Variants in AMBRA1 observed in about 807,000 individuals in gnomAD.
AMBRA1 encodes activating molecule in BECN1-regulated autophagy protein 1.
In AMBRA1, 47 loss-of-function variants were observed where a neutral mutation model predicts 125.4. That is an observed-to-expected ratio of 0.37 (90% CI 0.30 to 0.48). AMBRA1 has a LOEUF of 0.48. Ranked by LOEUF, AMBRA1 falls within the 20% of genes least tolerant of loss-of-function variation. The pLI is 0.99. For synonymous variants in AMBRA1, 626 were observed against 655.5 expected (o/e 0.95, Z 0.69); for missense variants, 1,331 against 1,693.4 (o/e 0.79, Z 3.76).
At chr11:46,434,149 CT>C (rs1947598185) in intron 13 of AMBRA1, among the ~76,000 whole-genome samples, 2 of 143,122 alleles carry the variant, frequency 1.4e-5, no homozygotes, top group African/African-American at 5.2e-5. Context: ...AAAGAAAGTA[CT>C]TAATAAATGC....
At chr11:46,584,569 G>C (rs1450659682) in intron 1 of AMBRA1, among the ~76,000 whole-genome samples, 3 of 151,502 alleles carry the variant, frequency 2.0e-5, no homozygotes, top group Admixed American at 2.0e-4. Context: ...ATGAATGACT[G>C]AAAAATACAC....
intron 8 of AMBRA1, among the ~76,000 whole-genome samples, chr11:46,510,248 A>G (rs61882715): frequency 0.021 from 3,186 of 152,336 alleles, 48 homozygotes; most frequent in Non-Finnish European, 0.032. Flanking sequence ...GCTAGTTCCT[A>G]AAAGCCTCAA....
At chr11:46,564,796 C>T (rs187092808) in intron 1 of AMBRA1, among the ~76,000 whole-genome samples, 2 of 152,306 alleles carry the variant, frequency 1.3e-5, no homozygotes, top group African/African-American at 2.4e-5. Context: ...CTATTATTTG[C>T]CTCCTAGTGG....
At chr11:46,547,901 T>C in intron 2 of AMBRA1, 26 bp from the exon 3 acceptor site, 1 of 1,430,424 alleles carries the variant, frequency 7.0e-7, no homozygotes, top group Non-Finnish European at 9.7e-7. Flanking sequence ...AAAAAAAAAG[T>C]TAAAATACAT....
intron 17 of AMBRA1, among the ~76,000 whole-genome samples, chr11:46,405,214 C>T (rs1945950467): frequency 6.6e-6 from 1 of 152,214 alleles, no homozygotes; most frequent in Admixed American, 6.5e-5. Flanking sequence ...CCACCTCCTC[C>T]AGGAGTCTCC....
chr11:46,454,473 C>T (rs1035605804), intron 11 of AMBRA1, among the ~76,000 whole-genome samples: 16 of 150,896 alleles, frequency 1.1e-4, no homozygotes, highest in African/African-American at 3.6e-4. Context: ...CGGTGGCTCA[C>T]GCCTGTAATC....
At chr11:46,457,033 T>C (rs544868545) in intron 11 of AMBRA1, among the ~76,000 whole-genome samples, 1 of 152,368 alleles carries the variant, frequency 6.6e-6, no homozygotes, top group East Asian at 1.9e-4. Flanking sequence ...TCTATGAGCC[T>C]ACATTCACAT....
At chr11:46,410,700 G>A (rs1190217272) in intron 15 of AMBRA1, among the ~76,000 whole-genome samples, 1 of 152,210 alleles carries the variant, frequency 6.6e-6, no homozygotes, top group Non-Finnish European at 1.5e-5. Flanking sequence ...GTATTCTTCA[G>A]ACACAGAGAA....
intron 6 of AMBRA1, 130 bp downstream of exon 6, chr11:46,543,845 G>A: frequency 1.3e-6 from 1 of 794,240 alleles, no homozygotes; most frequent in African/African-American, 1.7e-5. Flanking sequence ...TCTGAAGCTA[G>A]CTTTAAATCT....
intron 11 of AMBRA1, among the ~76,000 whole-genome samples, chr11:46,466,241 G>A (rs1178136086): frequency 6.6e-6 from 1 of 152,166 alleles, no homozygotes; most frequent in Non-Finnish European, 1.5e-5. Context: ...CAGCTACTTG[G>A]GAGGCTAAGG....
At chr11:46,441,515 GA>G (rs927450397) in intron 12 of AMBRA1, among the ~76,000 whole-genome samples, 2 of 149,796 alleles carry the variant, frequency 1.3e-5, no homozygotes, top group Non-Finnish European at 3.0e-5. Context: ...CTCTGTTTCA[GA>G]AAAAAAAAGA....
rs760842701 is a variant in AMBRA1, at chr11:46,542,550, T to C, written c.1467A>G (p.Gln489=). 1 of 1,613,260 alleles carries C rather than the reference T, an allele frequency of 6.2e-7. No homozygotes were observed. Among genetic ancestry groups the C allele is most frequent in the South Asian group, 1.1e-5 (1 of 91,082 alleles). Residue 489 remains glutamine, a synonymous_variant, in exon 7 of 18, where the codon CAA becomes CAG. Transcript: ENST00000683756. The surrounding 1 kb of genome is among the most constrained non-coding windows in gnomAD (Gnocchi z 5.9). ...TESDGGNGSS[Q]NNSGSIRHEL... The stretch of plus-strand genomic sequence containing the variant: ...CATGGCGAATGCTGCCCGAGTTGTT[T>C]TGGCTGGAGCCATTCCCTCCATCTG...
At position 46,548,302 on chromosome 11, in the gene AMBRA1, G is replaced by A. The variant is rs377257005; in HGVS notation, c.79C>T (p.Arg27Trp). ...TCTTCTACCAGCTCCTGCAGAAGCC[G>A]CTGAGCTCCCATGGCCCGAGCACCC... ...ERGARAMGAQ[R>W]LLQELVEDKT... is the part of the protein sequence containing the mutation. The change falls in exon 2 of 18, where the codon CGG (arginine) becomes TGG (tryptophan). Residue 27 changes from arginine to tryptophan, a missense_variant. Around this residue, in one of 4 missense-constraint regions of AMBRA1, gnomAD observed 144 missense variants for 250.4 expected, o/e 0.58. Coordinates refer to ENST00000683756, the MANE Select transcript of AMBRA1 (RefSeq NM_001387011.1). 5.6e-6 allele frequency: 9 copies of A among 1,614,038 alleles called. No homozygotes were observed. Among genetic ancestry groups the A allele is most frequent in the Admixed American group, 1.7e-5 (1 of 60,004 alleles).
At chr11:46,433,171 A>G (rs1051127454) in intron 14 of AMBRA1, among the ~76,000 whole-genome samples, 1 of 152,224 alleles carries the variant, frequency 6.6e-6, no homozygotes, top group African/African-American at 2.4e-5. Context: ...TGGGTCCTTT[A>G]TGCATCTCCA....
At chr11:46,526,799 T>C (rs1456604658) in intron 7 of AMBRA1, among the ~76,000 whole-genome samples, 1 of 152,194 alleles carries the variant, frequency 6.6e-6, no homozygotes, top group Non-Finnish European at 1.5e-5. Context: ...TATGGTTTCT[T>C]ATACACCAAT....
In AMBRA1 at chr11:46,459,540, G is replaced by A. The variant is rs568934502; in HGVS notation, c.2522-15942C>T. On this transcript the variant is annotated intron_variant, in intron 11 of 17. Transcript: ENST00000683756. ...AGCCTGGCCAACATGGTGAAACCCCGTCTCTACTAAAAATACAAAAAGTAG... is the reference window on the plus strand; with the variant it reads ...AGCCTGGCCAACATGGTGAAACCCCATCTCTACTAAAAATACAAAAAGTAG... Among the ~76,000 whole-genome samples, 14 of 151,982 alleles carry A rather than the reference G, an allele frequency of 9.2e-5. No homozygotes were observed. The East Asian group carries it at 2.7e-3, about 29-fold the overall frequency.
chr11:46,488,387 C>T (rs1027172753), intron 11 of AMBRA1, among the ~76,000 whole-genome samples: 2 of 151,534 alleles, frequency 1.3e-5, no homozygotes, highest in Admixed American at 6.6e-5. Flanking sequence ...ACCCAAGAGG[C>T]GGAAGTTGCA....
chr11:46,525,075 G>A (rs1951910337), intron 7 of AMBRA1, among the ~76,000 whole-genome samples: 1 of 151,914 alleles, frequency 6.6e-6, no homozygotes, highest in Admixed American at 6.6e-5. Flanking sequence ...TGAGGCAAGA[G>A]GATACCTTGA....
intron 1 of AMBRA1, among the ~76,000 whole-genome samples, chr11:46,578,466 G>A (rs1440885991): frequency 2.0e-5 from 3 of 151,094 alleles, no homozygotes; most frequent in Non-Finnish European, 2.9e-5. Flanking sequence ...TAGCCTGGGC[G>A]ACAGAGCAAG....
Sources: allele counts gnomAD v4.1 joint callset (sites outside exome capture counted in the v4.1 genomes callset), GRCh38; gene constraint gnomAD v4.1.1; regional missense constraint gnomAD v4.1.1; non-coding constraint Gnocchi (gnomAD v3.1); transcripts MANE v1.5; gene names NCBI Gene and HGNC (gene_info 2026-07-23, HGNC 2026-07-21).